ASH1L: variants seen among roughly 807,000 people sequenced by gnomAD.
ASH1L encodes the protein ASH1 like histone lysine methyltransferase.
A neutral mutation model predicts 269.0 loss-of-function variants in ASH1L; 23 were observed. The observed-to-expected ratio is 0.09, with a 90% CI of 0.06 to 0.12. ASH1L has a LOEUF of 0.12. Among genes scored for constraint, ASH1L ranks in the 10% least tolerant of loss-of-function variants. The pLI is 1.00. For synonymous variants in ASH1L, 1,187 were observed against 1,253.5 expected (o/e 0.95, Z 1.12); for missense variants, 2,912 against 3,567.8 (o/e 0.82, Z 4.68).
chr1:155,400,066 T>A (rs1181606559), intron 6 of ASH1L, among the ~76,000 whole-genome samples: 2 of 152,052 alleles, frequency 1.3e-5, no homozygotes, highest in Admixed American at 1.3e-4. Context: ...TGAGGACATA[T>A]GCTGGGCGTG....
chr1:155,372,939 G>A (rs1656095937), intron 10 of ASH1L, among the ~76,000 whole-genome samples: 2 of 152,002 alleles, frequency 1.3e-5, no homozygotes, highest in Non-Finnish European at 2.9e-5. Flanking sequence ...CTAGATGGGT[G>A]CAGTGGCTCA....
chr1:155,366,891 G>A (rs955980289), intron 12 of ASH1L, among the ~76,000 whole-genome samples: 1 of 151,808 alleles, frequency 6.6e-6, no homozygotes, highest in Non-Finnish European at 1.5e-5. Flanking sequence ...GGCTAGGGTG[G>A]TCTCGAACTC....
chr1:155,475,720 G>A (rs1265998509), intron 3 of ASH1L, among the ~76,000 whole-genome samples: 4 of 152,196 alleles, frequency 2.6e-5, no homozygotes, highest in Non-Finnish European at 4.4e-5. Context: ...TTCAACATAT[G>A]AACCAGTAAA....
intron 5 of ASH1L, among the ~76,000 whole-genome samples, chr1:155,427,797 T>C (rs1661274821): frequency 6.6e-6 from 1 of 152,154 alleles, no homozygotes; most frequent in Non-Finnish European, 1.5e-5. Context: ...TAATCACCAA[T>C]ATTGGTGGTG....
In ASH1L at chr1:155,451,535, G is replaced by A. The variant is rs372705296; in HGVS notation, c.5086+8262C>T. On this transcript the variant is annotated intron_variant, in intron 4 of 27. Coordinates refer to ENST00000392403, the MANE Select transcript of ASH1L (RefSeq NM_018489.3). The stretch of plus-strand genomic sequence containing the variant: ...AGCACTTTGGGAGGCCAAGGCCAGC[G>A]GATCACCTGAGGTCAGGAGTTCAAG... Among the ~76,000 whole-genome samples, 17 of 152,122 alleles carry A rather than the reference G, an allele frequency of 1.1e-4. No individual in the cohort carries two copies. In the East Asian group the frequency reaches 1.2e-3, roughly 10 times the overall value.
chr1:155,499,693 G>A (rs1667383909), intron 2 of ASH1L, among the ~76,000 whole-genome samples: 1 of 152,126 alleles, frequency 6.6e-6, no homozygotes. Context: ...AGGATCTCTG[G>A]AGTGATTTAC....
chr1:155,410,127 T>C (rs1306388083), intron 6 of ASH1L, among the ~76,000 whole-genome samples: 4 of 152,034 alleles, frequency 2.6e-5, no homozygotes, highest in African/African-American at 7.2e-5. Flanking sequence ...ATTTTCTCTT[T>C]CTTTTTCTGA....
chr1:155,357,791 A>C, intron 13 of ASH1L, 42 bp from the exon 14 acceptor site: 1 of 1,555,160 alleles, frequency 6.4e-7, no homozygotes, highest in South Asian at 1.2e-5. Context: ...TATTTTTTTA[A>C]GGCAGGGTCT....
intron 5 of ASH1L, chr1:155,433,670 C>G: frequency 6.2e-7 from 1 of 1,601,666 alleles, no homozygotes; most frequent in Non-Finnish European, 8.5e-7. Context: ...GGGATATACA[C>G]AGGCCGATGT....
intron 4 of ASH1L, among the ~76,000 whole-genome samples, chr1:155,446,471 G>A (rs546991607): frequency 2.1e-5 from 3 of 146,050 alleles, no homozygotes; most frequent in African/African-American, 7.6e-5. Context: ...GCTAATTTTT[G>A]TAATTTTTGC....
chr1:155,453,999 G>A (rs919112877), intron 4 of ASH1L, among the ~76,000 whole-genome samples: 33 of 152,248 alleles, frequency 2.2e-4, no homozygotes, highest in Admixed American at 2.1e-3. Context: ...CAGCTACTCG[G>A]GAAGCTGAGG....
At chr1:155,361,273 C>G (rs1001341874) in intron 12 of ASH1L, among the ~76,000 whole-genome samples, 1 of 151,810 alleles carries the variant, frequency 6.6e-6, no homozygotes, top group Admixed American at 6.6e-5. Context: ...AATATCAGCA[C>G]TTTGGGAGGC....
chr1:155,505,648 ACT>A (rs1315194222), intron 2 of ASH1L, among the ~76,000 whole-genome samples: 8 of 152,158 alleles, frequency 5.3e-5, no homozygotes, highest in African/African-American at 1.2e-4. Context: ...TGGTTTCGTA[ACT>A]CTGTATACAC....
At chr1:155,487,890 CT>C (rs755016145) in intron 2 of ASH1L, among the ~76,000 whole-genome samples, 332 of 142,588 alleles carry the variant, frequency 2.3e-3, no homozygotes, top group Admixed American at 2.5e-3. Flanking sequence ...TGGTTTTTCA[CT>C]TTTTTTTTTT....
chr1:155,542,578 C>T lies in ASH1L; in HGVS notation c.-100+19575G>A, dbSNP rs750652584. Among the ~76,000 whole-genome samples the T allele has an allele frequency of 3.3e-5, 5 of 151,266 alleles. No individual in the cohort carries two copies. In the South Asian group the frequency reaches 8.3e-4, roughly 25 times the overall value. Reference sequence around the variant, plus strand: ...AAATAAATAAATAATTACATTTTGGCGATGATTACAGCCTGTCAACTGAAG... The same window carrying T: ...AAATAAATAAATAATTACATTTTGGTGATGATTACAGCCTGTCAACTGAAG... On this transcript the variant is annotated intron_variant, in intron 1 of 27. Transcript: ENST00000392403.
At chr1:155,548,297 G>A (rs1230049993) in intron 1 of ASH1L, among the ~76,000 whole-genome samples, 1 of 152,148 alleles carries the variant, frequency 6.6e-6, no homozygotes, top group Admixed American at 6.5e-5. Context: ...CAAAGTGGGT[G>A]GATCACATGA....
chr1:155,456,614 G>T (rs1369553816), intron 4 of ASH1L, among the ~76,000 whole-genome samples: 1 of 152,002 alleles, frequency 6.6e-6, no homozygotes, highest in Non-Finnish European at 1.5e-5. Flanking sequence ...CTCTTTCACT[G>T]CCAAATTCAA....
chr1:155,515,657 A>G (rs1288042497), intron 2 of ASH1L, among the ~76,000 whole-genome samples: 2 of 151,698 alleles, frequency 1.3e-5, no homozygotes, highest in Non-Finnish European at 2.9e-5. Context: ...GTGAAACCTC[A>G]TCTCTACTAA....
rs2148323654 is a variant in ASH1L, at chr1:155,343,844, T to G, written c.7982-102A>C. ...CAGGGTCTACATAGAACTCATAATCTGAAACAGTATAAATACAGAGAGCTA... is the reference window on the plus strand; with the variant it reads ...CAGGGTCTACATAGAACTCATAATCGGAAACAGTATAAATACAGAGAGCTA... On this transcript the variant is annotated intron_variant, in intron 22 of 27. Transcript: ENST00000392403. This position sits in a 1 kb window ranked among gnomAD's most constrained non-coding sequence, Gnocchi z 6.1. 7.6e-7 allele frequency: 1 copy of G among 1,320,292 alleles called. No homozygotes were observed. The highest frequency in any genetic ancestry group is 1.5e-5 in the African/African-American group (1 of 67,592). The allele number at this position is 1,320,292 out of a possible 1,614,324, so 81.8% of individuals were successfully genotyped here.
Sources: allele counts gnomAD v4.1 joint callset (sites outside exome capture counted in the v4.1 genomes callset), GRCh38; gene constraint gnomAD v4.1.1; non-coding constraint Gnocchi (gnomAD v3.1); transcripts MANE v1.5; gene names NCBI Gene and HGNC (gene_info 2026-07-23, HGNC 2026-07-21).